The following MLXIPL variants were observed in gnomAD, a reference collection of about 807,000 sequenced individuals.
MLXIPL encodes MLX interacting protein like.
In MLXIPL, 49 loss-of-function variants were observed where a neutral mutation model predicts 81.5. That is an observed-to-expected ratio of 0.60 (90% CI 0.48 to 0.76). The LOEUF (loss-of-function observed/expected upper bound fraction) is 0.76, where lower values mean the gene tolerates loss of function less well. MLXIPL is among the 30% of genes least tolerant of loss of function. The probability of loss-of-function intolerance (pLI) is 0.00; values close to 1 mark genes in which losing one functional copy is unlikely to be tolerated. For missense variants in MLXIPL, 1,053 were observed against 1,167.0 expected (o/e 0.90, Z 1.42); for synonymous variants, 466 against 485.5 (o/e 0.96, Z 0.53).
chr7:73,640,402 C>CA, the MLXIPL span, among the ~76,000 whole-genome samples: 3,810 of 81,936 alleles, frequency 0.046, 92 homozygotes, highest in African/African-American at 0.093. Flanking sequence ...ACCCTGTCTC[C>CA]AAAAAAAAAA....
chr7:73,627,071 G>A (rs534003955), upstream of MLXIPL, among the ~76,000 whole-genome samples: 23 of 152,120 alleles, frequency 1.5e-4, no homozygotes, highest in East Asian at 7.7e-4. Context: ...CCAAATGTTC[G>A]CATCACATTC....
chr7:73,632,693 T>C, the MLXIPL span, among the ~76,000 whole-genome samples: 1 of 152,108 alleles, frequency 6.6e-6, no homozygotes, highest in Non-Finnish European at 1.5e-5. Flanking sequence ...TGTCACAGAC[T>C]GTCTTCCTGT....
rs536885596 is a variant in MLXIPL at position 73,608,980 on chromosome 7, T to A, written c.401-1308A>T. ...TACGCCACCATGTCTGGCTAATTTT[T>A]AAATTTTTTGTAGAGACAGGGTCTC... On this transcript the variant is annotated intron_variant, in intron 2 of 16. Transcript: ENST00000313375. Among the ~76,000 whole-genome samples, 156 of 152,186 alleles carry A rather than the reference T, an allele frequency of 1.0e-3. 6 individuals carry two copies. The South Asian group carries it at 0.031, about 31-fold the overall frequency.
chr7:73,647,716 A>G, the MLXIPL span, among the ~76,000 whole-genome samples: 1 of 151,964 alleles, frequency 6.6e-6, no homozygotes, highest in African/African-American at 2.4e-5. Context: ...GGCGGATCCA[A>G]TTCCCCTTGG....
chr7:73,631,076 T>G, the MLXIPL span, among the ~76,000 whole-genome samples: 1 of 151,724 alleles, frequency 6.6e-6, no homozygotes, highest in African/African-American at 2.4e-5. Flanking sequence ...TGGCATGATC[T>G]CAGCTCACTG....
At chr7:73,605,539 C>T in intron 7 of MLXIPL, 149 bp downstream of exon 7, 1 of 719,274 alleles carries the variant, frequency 1.4e-6, no homozygotes. Flanking sequence ...GAGTGAGATG[C>T]CATCTCAAAA....
At position 73,597,554 on chromosome 7, in the gene MLXIPL, G is replaced by T. The variant is rs781857335; in HGVS notation, c.1231C>A (p.Pro411Thr). 4 of 1,369,682 alleles carry T rather than the reference G, an allele frequency of 2.9e-6. No individual in the cohort carries two copies. Among genetic ancestry groups the T allele is most frequent in the African/African-American group, 1.5e-5 (1 of 67,126 alleles). 84.8% of individuals were successfully genotyped at this position (1,369,682 alleles called of 1,614,324 possible). A position where few individuals can be genotyped will look rare whatever the true frequency, so the allele number is the denominator to read the frequency against. Reference protein sequence around the residue: ...PAKVPGLEPCPPPPFPPMAPP... With the variant: ...PAKVPGLEPCTPPPFPPMAPP... ...GCCATGGGAGGGAAGGGAGGTGGGG[G>T]GCAGGGCTCCAGGCCTGGCACCTTG... The change falls in exon 9 of 17, where the codon CCC (proline) becomes ACC (threonine). Residue 411 changes from proline to threonine, a missense_variant. Coordinates refer to ENST00000313375, the MANE Select transcript of MLXIPL (RefSeq NM_032951.3).
the MLXIPL span, among the ~76,000 whole-genome samples, chr7:73,647,080 C>T: frequency 6.6e-6 from 1 of 152,162 alleles, no homozygotes; most frequent in Non-Finnish European, 1.5e-5. Context: ...AGTCGTGCGC[C>T]CAAGGTCACA....
intron 1 of MLXIPL, among the ~76,000 whole-genome samples, chr7:73,622,426 T>A (rs1554602499): frequency 6.6e-6 from 1 of 151,606 alleles, no homozygotes; most frequent in East Asian, 1.9e-4. Context: ...AAGGCAGAGG[T>A]TGCAGTGAGC....
intron 7 of MLXIPL, among the ~76,000 whole-genome samples, chr7:73,602,459 T>C (rs1230312126): frequency 6.0e-5 from 9 of 149,872 alleles, no homozygotes; most frequent in Non-Finnish European, 8.9e-5. Flanking sequence ...TCACCTGAGG[T>C]CAGGAGTTCG....
At chr7:73,631,711 TTTCTTCCTTTCCTTCC>T in the MLXIPL span, among the ~76,000 whole-genome samples, 14 of 150,038 alleles carry the variant, frequency 9.3e-5, no homozygotes, top group Non-Finnish European at 1.0e-4. Context: ...CTGGTCAAAT[TTTCTTCCTTTCCTTCC>T]TTCTTCCTTT....
intron 1 of MLXIPL, among the ~76,000 whole-genome samples, chr7:73,617,140 C>T (rs182841662): frequency 2.0e-5 from 3 of 152,204 alleles, no homozygotes; most frequent in Admixed American, 6.5e-5. Flanking sequence ...CTCGGCCTCC[C>T]GAGTAGCTGG....
At chr7:73,643,974 T>C in the MLXIPL span, among the ~76,000 whole-genome samples, 1 of 152,046 alleles carries the variant, frequency 6.6e-6, no homozygotes, top group African/African-American at 2.4e-5. Context: ...CTCACTATGT[T>C]GCCCAGGCTG....
chr7:73,639,682 G>A, the MLXIPL span, among the ~76,000 whole-genome samples: 1 of 152,272 alleles, frequency 6.6e-6, no homozygotes, highest in South Asian at 2.1e-4. Context: ...CCTGCAAAGT[G>A]CTTAGATAGT....
chr7:73,644,852 C>G, the MLXIPL span, among the ~76,000 whole-genome samples: 1 of 152,194 alleles, frequency 6.6e-6, no homozygotes, highest in South Asian at 2.1e-4. Flanking sequence ...TGCTGGATAA[C>G]TGGCCCCATG....
upstream of MLXIPL, among the ~76,000 whole-genome samples, chr7:73,629,047 C>CTT (rs782604408): frequency 9.7e-5 from 14 of 143,874 alleles, no homozygotes; most frequent in South Asian, 4.5e-4. Context: ...CTTTTCTTTT[C>CTT]TTTTTTTTTT....
At chr7:73,636,194 G>A in the MLXIPL span, among the ~76,000 whole-genome samples, 1 of 152,164 alleles carries the variant, frequency 6.6e-6, no homozygotes, top group Non-Finnish European at 1.5e-5. Context: ...AGGATCACTT[G>A]AGGCCGGGAG....
chr7:73,607,168 G>T, intron 4 of MLXIPL, 150 bp from the exon 5 acceptor site: 3 of 1,259,180 alleles, frequency 2.4e-6, no homozygotes, highest in Non-Finnish European at 3.4e-6. Context: ...GCTAGGAGAC[G>T]CTGTGGCCAC....
the MLXIPL span, among the ~76,000 whole-genome samples, chr7:73,631,427 T>C: frequency 6.6e-6 from 1 of 151,924 alleles, no homozygotes; most frequent in African/African-American, 2.4e-5. Flanking sequence ...GACACGGAAG[T>C]GTATATGTTG....
Sources: gnomAD v4.1 joint callset for allele counts (sites outside exome capture counted in the v4.1 genomes callset) on GRCh38, gnomAD v4.1.1 for gene constraint, MANE v1.5 for transcripts, NCBI Gene and HGNC (gene_info 2026-07-23, HGNC 2026-07-21) for gene names.